SMUG1: variants seen among roughly 807,000 people sequenced by gnomAD.
SMUG1 encodes the protein single-strand selective monofunctional uracil DNA glycosylase.
SMUG1 carries 13 observed loss-of-function variants against 23.9 expected under a neutral mutation model. That is an observed-to-expected ratio of 0.54 (90% CI 0.35 to 0.86). The LOEUF is 0.86. Ranked by LOEUF, SMUG1 falls within the 40% of genes least tolerant of loss-of-function variation. SMUG1 has a pLI of 0.01. For missense variants in SMUG1, 313 were observed against 339.5 expected, an observed-to-expected ratio of 0.92 and a Z score of 0.61; for synonymous variants, 133 against 139.8, an observed-to-expected ratio of 0.95 and a Z score of 0.34.
At chr12:54,182,820 A>T in intron 3 of SMUG1, 197 bp from the exon 4 acceptor site, 1 of 1,117,948 alleles carries the variant, frequency 8.9e-7, no homozygotes. Context: ...CTTCATTGTG[A>T]ACCGTGGTCC....
rs768328649 is a variant in SMUG1, at chr12:54,182,218, C to G, written c.691G>C (p.Glu231Gln). The change falls in exon 4 of 4, where the codon GAG becomes CAG. Residue 231 changes from glutamate (E) to glutamine (Q), a missense_variant. Glu to Gln is a conservative substitution (Grantham distance 29, BLOSUM62 2). Coordinates refer to ENST00000682136, the MANE Select transcript of SMUG1 (RefSeq NM_001243787.2). ...TGCAGGAGCCCTTCCACCTGGACCT[C>G]TGGCATCAGGCCTGCCAGAGCCCGT... ...ARRALAGLMP[E>Q]VQVEGLLHPS... 1 of 1,612,352 alleles carries G rather than the reference C, an allele frequency of 6.2e-7. No individual in the cohort carries two copies. The highest frequency in any genetic ancestry group is 8.5e-7 in the Non-Finnish European group (1 of 1,178,788).
rs1185940653 is a variant in SMUG1, at chr12:54,180,693, G to C, written c.*1403C>G. On this transcript the variant is annotated 3_prime_UTR_variant, in exon 4 of 4. Transcript: ENST00000682136. ...ACAGACACTTAACAGAGACCCTGCA[G>C]GTTTGGTAAGGCAATTGGAGATCTG... 6.6e-6 allele frequency: 1 copy of C among 152,200 alleles called. No homozygotes were observed. The highest frequency in any genetic ancestry group is 1.5e-5 in the Non-Finnish European group (1 of 68,052). The allele number at this position is 152,200 out of a possible 1,614,324, so 9.4% of individuals were successfully genotyped here.
chr12:54,176,223 T>C (rs1347575117), downstream of SMUG1, among the ~76,000 whole-genome samples: 8 of 142,758 alleles, frequency 5.6e-5, no homozygotes, highest in Admixed American at 6.9e-5. Context: ...CAAAACTCCA[T>C]CTAAAAAAAA....
At chr12:54,183,593 C>T (rs1174744417) in intron 3 of SMUG1, 63 bp downstream of exon 3, 1 of 1,556,880 alleles carries the variant, frequency 6.4e-7, no homozygotes, top group Admixed American at 1.7e-5. Flanking sequence ...CTCCACAGCA[C>T]ACCCAGCCAA....
chr12:54,177,635 C>T (rs540583455), downstream of SMUG1, among the ~76,000 whole-genome samples: 3 of 151,970 alleles, frequency 2.0e-5, no homozygotes, highest in East Asian at 1.9e-4. Context: ...CAACTAAAGG[C>T]TCCATTCTCT....
intron 1 of SMUG1, among the ~76,000 whole-genome samples, chr12:54,188,320 A>C (rs1479952230): frequency 1.4e-5 from 1 of 71,354 alleles, no homozygotes; most frequent in Non-Finnish European, 3.3e-5. Context: ...TAATAATAAT[A>C]ATAATAATAA....
At position 54,181,818 on chromosome 12, in the gene SMUG1, C is replaced by T; in HGVS notation, c.*278G>A. 1 of 1,425,046 alleles carries T rather than the reference C, an allele frequency of 7.0e-7. No individual in the cohort carries two copies. Among genetic ancestry groups the T allele is most frequent in the Non-Finnish European group, 9.1e-7 (1 of 1,094,934 alleles). 88.3% of individuals were successfully genotyped at this position (1,425,046 alleles called of 1,614,324 possible). A position where few individuals can be genotyped will look rare whatever the true frequency, so the allele number is the denominator to read the frequency against. Reference sequence around the variant, plus strand: ...ACTGAGGTAGAGCAGTCTGCAAGTGCAAAAGCACACCTTCTGCAGATTCCC... The same window carrying T: ...ACTGAGGTAGAGCAGTCTGCAAGTGTAAAAGCACACCTTCTGCAGATTCCC... On this transcript the variant is annotated 3_prime_UTR_variant, in exon 4 of 4. Coordinates refer to ENST00000682136, the MANE Select transcript of SMUG1 (RefSeq NM_001243787.2).
Position 54,181,594 on chromosome 12 carries a change from G to C in SMUG1, c.*502C>G. The C allele has an allele frequency of 2.5e-6, 4 of 1,575,526 alleles. No homozygotes were observed. The South Asian group carries it at 3.4e-5, about 14-fold the overall frequency. Reference sequence around the variant, plus strand: ...GGATTTTTCCTCTGATCCAGCTGCAGCCTCCCATAAGAAGTTCACTCTTAA... The same window carrying C: ...GGATTTTTCCTCTGATCCAGCTGCACCCTCCCATAAGAAGTTCACTCTTAA... On this transcript the variant is annotated 3_prime_UTR_variant, in exon 4 of 4. Transcript: ENST00000682136.
At chr12:54,187,977 A>C (rs1336154219) in intron 1 of SMUG1, 75 bp from the exon 2 acceptor site, 4 of 152,192 alleles carry the variant, frequency 2.6e-5, no homozygotes, top group Non-Finnish European at 5.9e-5. Context: ...CAAAACACTA[A>C]GAGAACCCAA....
Position 54,181,736 on chromosome 12 carries a change from G to C in SMUG1, c.*360C>G. 6.6e-7 allele frequency: 1 copy of C among 1,507,658 alleles called. No homozygotes were observed. 93.4% of individuals were successfully genotyped at this position (1,507,658 alleles called of 1,614,324 possible). On this transcript the variant is annotated 3_prime_UTR_variant, in exon 4 of 4. Coordinates refer to ENST00000682136, the MANE Select transcript of SMUG1 (RefSeq NM_001243787.2). Reference sequence around the variant, plus strand: ...ATATTTCCTCTGAAATAGTAAACGTGACCTTAGAAGTTACTGTCTAGGGCA... The same window carrying C: ...ATATTTCCTCTGAAATAGTAAACGTCACCTTAGAAGTTACTGTCTAGGGCA...
chr12:54,182,872 T>A, intron 3 of SMUG1: 1 of 600,852 alleles, frequency 1.7e-6, no homozygotes, highest in African/African-American at 1.9e-5. Context: ...CCTTTGGGAC[T>A]AAGTACAGGG....
chr12:54,163,833 T>C (rs1471933353), downstream of SMUG1, among the ~76,000 whole-genome samples: 7 of 152,332 alleles, frequency 4.6e-5, no homozygotes, highest in Non-Finnish European at 1.0e-4. Context: ...GAGAAGTACA[T>C]GAGATCATAC....
chr12:54,160,360 T>C (rs2136526704), downstream of SMUG1, among the ~76,000 whole-genome samples: 1 of 152,322 alleles, frequency 6.6e-6, no homozygotes, highest in South Asian at 2.1e-4. Flanking sequence ...GGCTGGGCCG[T>C]GCCAGAGTTT....
downstream of SMUG1, among the ~76,000 whole-genome samples, chr12:54,177,401 A>G (rs1241420772): frequency 1.3e-5 from 2 of 152,200 alleles, no homozygotes; most frequent in African/African-American, 4.8e-5. Flanking sequence ...TTCTGTGATA[A>G]TGGAAATGTT....
chr12:54,179,507 T>C (rs1229389972), downstream of SMUG1, among the ~76,000 whole-genome samples: 2 of 152,168 alleles, frequency 1.3e-5, no homozygotes, highest in Non-Finnish European at 2.9e-5. Flanking sequence ...CTCTGCAACA[T>C]GGCGCACTCA....
At chr12:54,169,970 G>A (rs767038223) in intron 3 of SMUG1, among the ~76,000 whole-genome samples, 17 of 152,158 alleles carry the variant, frequency 1.1e-4, no homozygotes, top group Admixed American at 7.2e-4. Flanking sequence ...AGGCCAAGGC[G>A]GGCAGATAAC....
chr12:54,176,647 A>C (rs548398356), downstream of SMUG1, among the ~76,000 whole-genome samples: 2 of 151,370 alleles, frequency 1.3e-5, no homozygotes, highest in African/African-American at 4.9e-5. Flanking sequence ...TCTACTAAAA[A>C]TACAAAAAAA....
intron 4 of SMUG1, among the ~76,000 whole-genome samples, chr12:54,158,456 T>A (rs1267881201): frequency 3.3e-5 from 5 of 152,102 alleles, no homozygotes; most frequent in African/African-American, 1.2e-4. Context: ...AGTGGTCCCA[T>A]TCCCAAACCA....
chr12:54,164,378 GA>G (rs1940373231), downstream of SMUG1: 1 of 152,662 alleles, frequency 6.6e-6, no homozygotes, highest in Non-Finnish European at 1.5e-5. Context: ...CAAAGTAAAT[GA>G]GGGGCAGTGG....
Sources: allele counts gnomAD v4.1 joint callset (sites outside exome capture counted in the v4.1 genomes callset), GRCh38; gene constraint gnomAD v4.1.1; transcripts MANE v1.5; gene names NCBI Gene and HGNC (gene_info 2026-07-23, HGNC 2026-07-21).